Variants in APP observed in about 807,000 individuals in gnomAD.
The protein encoded by APP is amyloid beta precursor protein.
A neutral mutation model predicts 101.4 loss-of-function variants in APP; 31 were observed. That is an observed-to-expected ratio of 0.31 (90% CI 0.23 to 0.41). The LOEUF is 0.41. APP is among the 10% of genes least tolerant of loss of function. The probability of loss-of-function intolerance (pLI) is 1.00; values close to 1 mark genes in which losing one functional copy is unlikely to be tolerated. For missense variants in APP, 839 were observed against 1,003.7 expected (o/e 0.84, Z 2.22); for synonymous variants, 366 against 364.4 (o/e 1.00, Z -0.05).
intron 11 of APP, among the ~76,000 whole-genome samples, chr21:25,973,943 T>TAAAAAAAAAAAA (rs369334912): frequency 4.5e-5 from 5 of 111,110 alleles, no homozygotes; most frequent in African/African-American, 1.9e-4. Flanking sequence ...CCATCTCATT[T>TAAAAAAAAAAAA]AAAAAAAAAA....
chr21:26,136,208 AAAG>A (rs1356060060), intron 1 of APP, among the ~76,000 whole-genome samples: 2 of 140,872 alleles, frequency 1.4e-5, no homozygotes, highest in Non-Finnish European at 3.0e-5. Context: ...AAAGAAAAGA[AAAG>A]AAAGAAAAGA....
At chr21:25,898,367 T>C (rs930341793) in intron 15 of APP, among the ~76,000 whole-genome samples, 6 of 152,240 alleles carry the variant, frequency 3.9e-5, no homozygotes, top group African/African-American at 1.4e-4. Context: ...CACTAATTGT[T>C]CTGATGAATT....
intron 6 of APP, 34 bp downstream of exon 6, chr21:26,021,806 G>A (rs199713706): frequency 3.7e-6 from 6 of 1,608,798 alleles, no homozygotes; most frequent in Middle Eastern, 1.7e-4. Flanking sequence ...CTTTTCCTTG[G>A]GGGTGGGGGG....
At chr21:25,927,343 G>A (rs958533961) in intron 13 of APP, among the ~76,000 whole-genome samples, 4 of 136 alleles carry the variant, frequency 0.029, no homozygotes, top group Admixed American at 0.071. Context: ...TGAATGGCCA[G>A]AAGTTTCACC....
intron 3 of APP, chr21:26,089,395 T>C (rs2061770636): frequency 6.6e-6 from 1 of 152,042 alleles, no homozygotes; most frequent in Non-Finnish European, 1.5e-5. Context: ...CATTAAACAT[T>C]AGTAATCAGA....
intron 3 of APP, among the ~76,000 whole-genome samples, chr21:26,078,351 T>C (rs1601404678): frequency 6.6e-6 from 1 of 152,190 alleles, no homozygotes; most frequent in Non-Finnish European, 1.5e-5. Flanking sequence ...ACTTGTTTAG[T>C]TCTTTTCCTA....
intron 1 of APP, among the ~76,000 whole-genome samples, chr21:26,138,917 G>A (rs1218430041): frequency 1.3e-5 from 2 of 152,228 alleles, no homozygotes; most frequent in Middle Eastern, 3.4e-3. Context: ...GGCTTTCTTC[G>A]ATATTATTGT....
rs2036972674 is a variant in APP, at chr21:25,881,356, G to GGCTATGT, written c.*307_*313dup. ...AAGAATAATATACAACTGGCTAAGG[G>GGCTATGT]GCTATGTGATAAATAATCAGGAGAG... On this transcript the variant is annotated 3_prime_UTR_variant, in exon 18 of 18. Coordinates refer to ENST00000346798, the MANE Select transcript of APP (RefSeq NM_000484.4). 1 of 422,318 alleles carries GGCTATGT rather than the reference G, an allele frequency of 2.4e-6. No individual in the cohort carries two copies. Among genetic ancestry groups the GGCTATGT allele is most frequent in the East Asian group, 5.1e-5 (1 of 19,468 alleles). The allele number at this position is 422,318 out of a possible 1,614,324, so 26.2% of individuals were successfully genotyped here.
chr21:25,986,744 T>C (rs1279071082), intron 8 of APP, among the ~76,000 whole-genome samples: 1 of 152,092 alleles, frequency 6.6e-6, no homozygotes, highest in African/African-American at 2.4e-5. Context: ...GATTTCCATG[T>C]TGGCACTCCG....
intron 8 of APP, among the ~76,000 whole-genome samples, chr21:25,994,443 A>C (rs1156830915): frequency 6.6e-6 from 1 of 152,218 alleles, no homozygotes; most frequent in East Asian, 1.9e-4. Flanking sequence ...TATGTCCCTA[A>C]AATTGCAATG....
chr21:26,115,860 T>C (rs1431006313), intron 1 of APP, among the ~76,000 whole-genome samples: 1 of 152,218 alleles, frequency 6.6e-6, no homozygotes, highest in Non-Finnish European at 1.5e-5. Flanking sequence ...AAAAGAAATA[T>C]AAATACCTTA....
At chr21:25,956,026 G>C (rs928622681) in intron 11 of APP, among the ~76,000 whole-genome samples, 1 of 152,076 alleles carries the variant, frequency 6.6e-6, no homozygotes, top group Non-Finnish European at 1.5e-5. Context: ...TTTTAAATAG[G>C]AGTACTCTGC....
At chr21:25,911,661 T>A (rs1018401615) in intron 14 of APP, 80 bp downstream of exon 14, 6 of 1,294,140 alleles carry the variant, frequency 4.6e-6, no homozygotes, top group Non-Finnish European at 6.6e-6. Flanking sequence ...ATACAAAAGA[T>A]AACTCTCTCT....
intron 1 of APP, among the ~76,000 whole-genome samples, chr21:26,153,622 C>CTTT (rs1488258617): frequency 6.6e-6 from 1 of 152,130 alleles, no homozygotes; most frequent in Non-Finnish European, 1.5e-5. Context: ...TATCCTTGTA[C>CTTT]TTTTAACTCA....
At chr21:26,078,785 C>A (rs1453571072) in intron 3 of APP, among the ~76,000 whole-genome samples, 1 of 152,176 alleles carries the variant, frequency 6.6e-6, no homozygotes, top group Non-Finnish European at 1.5e-5. Context: ...GTGGCTCACG[C>A]CTGTAATCCC....
rs1240974922 is a variant in APP at position 25,919,785 on chromosome 21, C to T, written c.1688-7823G>A. On this transcript the variant is annotated intron_variant, in intron 13 of 17. Transcript: ENST00000346798. ...CTGAAAGTGATGCGGAGAATGGAAC[C>T]AAGTTGGAAAACACTCTGCAGGATA... Among the ~76,000 whole-genome samples the T allele has an allele frequency of 6.5e-3, 159 of 24,320 alleles. 2 individuals carry two copies. Among genetic ancestry groups the T allele is most frequent in the South Asian group, 0.014 (6 of 430 alleles). 16.0% of individuals were successfully genotyped at this position (24,320 alleles called of 152,430 possible). A position where few individuals can be genotyped will look rare whatever the true frequency, so the allele number is the denominator to read the frequency against.
At chr21:25,985,789 G>C (rs2042614510) in intron 8 of APP, among the ~76,000 whole-genome samples, 1 of 151,990 alleles carries the variant, frequency 6.6e-6, no homozygotes, top group African/African-American at 2.4e-5. Flanking sequence ...AGGAAGCTGT[G>C]TCTCTTTTTA....
intron 13 of APP, among the ~76,000 whole-genome samples, chr21:25,915,696 T>C (rs192926323): frequency 2.6e-5 from 4 of 152,376 alleles, no homozygotes; most frequent in African/African-American, 9.6e-5. Context: ...CCTGTGCCCA[T>C]CTTAGCCCTT....
intron 2 of APP, among the ~76,000 whole-genome samples, chr21:26,108,514 A>G (rs1438258270): frequency 2.6e-5 from 4 of 152,228 alleles, no homozygotes; most frequent in South Asian, 4.1e-4. Flanking sequence ...GAACGAAGAT[A>G]TATGGTAGGG....
Sources: gnomAD v4.1 joint callset for allele counts (sites outside exome capture counted in the v4.1 genomes callset) on GRCh38, gnomAD v4.1.1 for gene constraint, MANE v1.5 for transcripts, NCBI Gene and HGNC (gene_info 2026-07-23, HGNC 2026-07-21) for gene names.